DPP6: variants seen among roughly 807,000 people sequenced by gnomAD.
DPP6 encodes dipeptidyl peptidase like 6, also known as A-type potassium channel modulatory protein DPP6.
A neutral mutation model predicts 122.6 loss-of-function variants in DPP6; 69 were observed. The observed-to-expected ratio is 0.56, with a 90% CI of 0.46 to 0.69. The LOEUF is 0.69. Among genes scored for constraint, DPP6 ranks in the 30% least tolerant of loss-of-function variants. The pLI is 0.00. For missense variants in DPP6, 928 were observed against 1,116.9 expected, an observed-to-expected ratio of 0.83 and a Z score of 2.41; for synonymous variants, 418 against 433.1, an observed-to-expected ratio of 0.97 and a Z score of 0.43.
chr7:154,271,468 G>A (rs1210453043), intron 1 of DPP6, among the ~76,000 whole-genome samples: 3 of 152,204 alleles, frequency 2.0e-5, no homozygotes, highest in Non-Finnish European at 4.4e-5. Context: ...AAAGACAGAG[G>A]CCAGCAGTGG....
At chr7:154,834,831 C>CTCTTGATGTG (rs1800921742) in intron 16 of DPP6, among the ~76,000 whole-genome samples, 1 of 152,190 alleles carries the variant, frequency 6.6e-6, no homozygotes, top group African/African-American at 2.4e-5. Flanking sequence ...GATTTGGGGC[C>CTCTTGATGTG]AGTTGTCTAC....
chr7:154,525,371 G>A (rs1285227467), intron 3 of DPP6, among the ~76,000 whole-genome samples: 2 of 152,000 alleles, frequency 1.3e-5, no homozygotes, highest in Admixed American at 6.5e-5. Context: ...TAATTTTTCA[G>A]GCTCTCAAAC....
Position 154,060,603 on chromosome 7 carries a change from T to TC in DPP6, c.243+7548dup, listed in dbSNP as rs541254261. Among the ~76,000 whole-genome samples, 77 of 71,764 alleles carry TC rather than the reference T, an allele frequency of 1.1e-3. 1 individual carries two copies. The South Asian group carries it at 0.011, about 10-fold the overall frequency. 47.1% of individuals were successfully genotyped at this position (71,764 alleles called of 152,430 possible). ...GGGATTACTGAGAGCCAGTCCCTCT[T>TC]CCCCCCCCTGGCTCTGAGGACCCCC... is the stretch of plus-strand genomic sequence containing the variant. On this transcript the variant is annotated intron_variant, in intron 1 of 25. Transcript: ENST00000377770.
At chr7:153,861,191 G>C in the DPP6 span, among the ~76,000 whole-genome samples, 1 of 152,044 alleles carries the variant, frequency 6.6e-6, no homozygotes, top group African/African-American at 2.4e-5. Context: ...AAGGCAACGG[G>C]TTTAATATTG....
chr7:154,449,373 A>G (rs372884050), intron 2 of DPP6, among the ~76,000 whole-genome samples: 20 of 152,242 alleles, frequency 1.3e-4, no homozygotes, highest in African/African-American at 4.8e-4. Context: ...ATCACAATGA[A>G]ATACCACTTC....
chr7:154,063,222 G>T (rs1802302029), intron 1 of DPP6, among the ~76,000 whole-genome samples: 2 of 132,684 alleles, frequency 1.5e-5, no homozygotes, highest in Non-Finnish European at 3.3e-5. Flanking sequence ...CCCCCGCGAG[G>T]CAGGGACTGA....
At chr7:154,887,031 A>G (rs565319096) in intron 22 of DPP6, among the ~76,000 whole-genome samples, 1 of 152,348 alleles carries the variant, frequency 6.6e-6, no homozygotes, top group South Asian at 2.1e-4. Flanking sequence ...GTCTGATTCA[A>G]ATGCACATAA....
At chr7:154,406,409 C>T (rs1046995759) in intron 1 of DPP6, among the ~76,000 whole-genome samples, 7 of 142,718 alleles carry the variant, frequency 4.9e-5, no homozygotes, top group African/African-American at 1.5e-4. Context: ...TAGGAGTAGC[C>T]GGGGGATGCA....
intron 20 of DPP6, among the ~76,000 whole-genome samples, chr7:154,879,605 A>G (rs1805197368): frequency 1.3e-5 from 2 of 151,352 alleles, no homozygotes; most frequent in South Asian, 4.2e-4. Flanking sequence ...AAAAAAAAAA[A>G]AAAAACACAA....
At chr7:154,293,847 A>G (rs1430611044) in intron 1 of DPP6, among the ~76,000 whole-genome samples, 1 of 152,170 alleles carries the variant, frequency 6.6e-6, no homozygotes, top group African/African-American at 2.4e-5. Flanking sequence ...TCTAGGTGAC[A>G]CTCAGGTTTT....
At chr7:154,367,225 C>G (rs1181305611) in intron 1 of DPP6, among the ~76,000 whole-genome samples, 1 of 152,136 alleles carries the variant, frequency 6.6e-6, no homozygotes, top group Non-Finnish European at 1.5e-5. Context: ...AGGATCCTAA[C>G]TAAAAGGGAA....
chr7:154,021,291 G>A (rs766529361), intron 1 of DPP6, among the ~76,000 whole-genome samples: 2 of 152,154 alleles, frequency 1.3e-5, no homozygotes, highest in African/African-American at 2.4e-5. Context: ...TTTAGTGGAC[G>A]AGGACAGGAA....
intron 1 of DPP6, among the ~76,000 whole-genome samples, chr7:154,391,236 T>C (rs1814592543): frequency 6.6e-6 from 1 of 152,222 alleles, no homozygotes; most frequent in Non-Finnish European, 1.5e-5. Context: ...TAGAATTTGC[T>C]GTGTTTTACT....
intron 1 of DPP6, among the ~76,000 whole-genome samples, chr7:153,978,934 T>A (rs1315967806): frequency 2.0e-5 from 3 of 152,160 alleles, no homozygotes; most frequent in Admixed American, 1.3e-4. Context: ...AGTACCGTGC[T>A]GTTTTGGTTA....
Position 154,575,559 on chromosome 7 carries a change from TTG to T in DPP6, c.627+8650_627+8651del, listed in dbSNP as rs1328307523. On this transcript the variant is annotated intron_variant, in intron 5 of 25. Transcript: ENST00000377770. ...TATGTGGTGTGTGTGGTGTGTTTAT[TTG>T]TGTGTGGTATATGTGTATGTGTGAG... Among the ~76,000 whole-genome samples the T allele has an allele frequency of 9.4e-3, 938 of 99,274 alleles. 15 individuals carry two copies. The highest frequency in any genetic ancestry group is 0.039 in the African/African-American group (871 of 22,578). 65.1% of individuals were successfully genotyped at this position (99,274 alleles called of 152,430 possible). A position where few individuals can be genotyped will look rare whatever the true frequency, so the allele number is the denominator to read the frequency against.
At chr7:154,371,378 CAAAAAAAAAAAAAA>C (rs1167770083) in intron 1 of DPP6, among the ~76,000 whole-genome samples, 2 of 47,704 alleles carry the variant, frequency 4.2e-5, no homozygotes, top group Non-Finnish European at 6.6e-5. Flanking sequence ...AACTCTGTCT[CAAAAAAAAAAAAAA>C]AAAAAAAAAA....
At chr7:153,810,940 C>T in the DPP6 span, among the ~76,000 whole-genome samples, 1 of 152,144 alleles carries the variant, frequency 6.6e-6, no homozygotes, top group East Asian at 1.9e-4. Flanking sequence ...ATGAACTGTT[C>T]TATTAGTGCA....
chr7:154,142,436 A>T (rs923121121), intron 1 of DPP6, among the ~76,000 whole-genome samples: 3 of 152,208 alleles, frequency 2.0e-5, no homozygotes, highest in Non-Finnish European at 4.4e-5. Flanking sequence ...GTCCCCCCAA[A>T]TATGTGCAGA....
At chr7:154,734,428 C>T (rs545576930) in intron 8 of DPP6, among the ~76,000 whole-genome samples, 68 of 152,226 alleles carry the variant, frequency 4.5e-4, no homozygotes, top group Non-Finnish European at 8.8e-4. Context: ...TGCTAGCAAA[C>T]TGCTCCCAGG....
Sources: allele counts gnomAD v4.1 joint callset (sites outside exome capture counted in the v4.1 genomes callset), GRCh38; gene constraint gnomAD v4.1.1; transcripts MANE v1.5; gene names NCBI Gene and HGNC (gene_info 2026-07-23, HGNC 2026-07-21).